The following OXR1 variants were observed in gnomAD, a reference collection of about 807,000 sequenced individuals.
OXR1 encodes oxidation resistance protein 1.
A neutral mutation model predicts 104.6 loss-of-function variants in OXR1; 41 were observed. The ratio of observed to expected loss-of-function variants is 0.39; its 90% CI spans 0.31 to 0.51. OXR1 has a LOEUF of 0.51. Ranked by LOEUF, OXR1 falls within the 20% of genes least tolerant of loss-of-function variation. OXR1 has a pLI of 0.77. For synonymous variants in OXR1, 348 were observed against 348.4 expected (o/e 1.00, Z 0.01); for missense variants, 955 against 1,031.9 (o/e 0.93, Z 1.02).
intron 2 of OXR1, among the ~76,000 whole-genome samples, chr8:106,399,403 A>G (rs1586604706): frequency 6.6e-6 from 1 of 152,204 alleles, no homozygotes; most frequent in East Asian, 1.9e-4. Context: ...CAATCAAAAT[A>G]GAAATGAGTT....
At chr8:106,306,046 T>G (rs991244023) in intron 1 of OXR1, among the ~76,000 whole-genome samples, 1 of 151,126 alleles carries the variant, frequency 6.6e-6, no homozygotes, top group Non-Finnish European at 1.5e-5. Flanking sequence ...CCTTCAGAGC[T>G]CTTTTTTTTT....
At chr8:106,340,438 A>G (rs1815194866) in intron 1 of OXR1, among the ~76,000 whole-genome samples, 1 of 152,160 alleles carries the variant, frequency 6.6e-6, no homozygotes, top group Non-Finnish European at 1.5e-5. Flanking sequence ...GAAAGTTTAA[A>G]TTGTCCCCTT....
intron 2 of OXR1, among the ~76,000 whole-genome samples, chr8:106,447,141 C>G (rs1164575226): frequency 6.6e-6 from 1 of 152,148 alleles, no homozygotes; most frequent in African/African-American, 2.4e-5. Flanking sequence ...ATACATATCT[C>G]TTATTTCTAA....
chr8:106,396,609 C>A (rs1817793377), intron 2 of OXR1, among the ~76,000 whole-genome samples: 1 of 152,008 alleles, frequency 6.6e-6, no homozygotes, highest in South Asian at 2.1e-4. Flanking sequence ...AGTATGGTTC[C>A]CTGGAATGGA....
chr8:106,643,213 A>G (rs1193453005), intron 3 of OXR1, among the ~76,000 whole-genome samples: 1 of 152,168 alleles, frequency 6.6e-6, no homozygotes, highest in Non-Finnish European at 1.5e-5. Flanking sequence ...GGGAGCAAAT[A>G]TTTTAGGCTT....
chr8:106,660,231 C>T (rs1157187922), intron 3 of OXR1, among the ~76,000 whole-genome samples: 1 of 151,822 alleles, frequency 6.6e-6, no homozygotes, highest in Non-Finnish European at 1.5e-5. Flanking sequence ...AATGATTCTT[C>T]ATATGTTTCC....
chr8:106,671,139 C>A (rs1826932129), intron 3 of OXR1, among the ~76,000 whole-genome samples: 2 of 144,654 alleles, frequency 1.4e-5, no homozygotes, highest in Admixed American at 1.4e-4. Flanking sequence ...CTAGTGGAAA[C>A]CACACCAAAG....
At chr8:106,385,507 T>G (rs1186288216) in intron 2 of OXR1, among the ~76,000 whole-genome samples, 1 of 152,204 alleles carries the variant, frequency 6.6e-6, no homozygotes, top group Non-Finnish European at 1.5e-5. Flanking sequence ...AACTAACATG[T>G]GTTGAACACT....
At chr8:106,360,339 A>G (rs535806282) in intron 2 of OXR1, among the ~76,000 whole-genome samples, 1 of 152,312 alleles carries the variant, frequency 6.6e-6, no homozygotes, top group South Asian at 2.1e-4. Flanking sequence ...ATATAAATTT[A>G]CAGTATTCAA....
intron 16 of OXR1, among the ~76,000 whole-genome samples, chr8:106,747,668 A>C (rs1013587444): frequency 1.3e-5 from 2 of 152,238 alleles, no homozygotes; most frequent in Non-Finnish European, 2.9e-5. Context: ...TTTGGATATC[A>C]CATACCTTTT....
At position 106,370,758 on chromosome 8, in the gene OXR1, T is replaced by C. The variant is rs1189242752; in HGVS notation, c.23+11122T>C. Among the ~76,000 whole-genome samples the C allele has an allele frequency of 2.6e-5, 4 of 152,346 alleles. No individual in the cohort carries two copies. In the East Asian group the frequency reaches 7.7e-4, roughly 29 times the overall value. On this transcript the variant is annotated intron_variant, in intron 2 of 16. Transcript: ENST00000517566. ...CCAAGGGATGAACCCAACTTGATCA[T>C]TGTGGATAAGTTTTTCCATGTGCTG...
chr8:106,423,786 C>T (rs1818997922), intron 2 of OXR1, among the ~76,000 whole-genome samples: 1 of 152,202 alleles, frequency 6.6e-6, no homozygotes, highest in African/African-American at 2.4e-5. Context: ...AGTAATGAAT[C>T]TTATCCTCCT....
chr8:106,418,718 C>T (rs574319279), intron 2 of OXR1, among the ~76,000 whole-genome samples: 14 of 152,204 alleles, frequency 9.2e-5, no homozygotes, highest in African/African-American at 3.4e-4. Context: ...ATAGCAGCTA[C>T]TTAGATGGGT....
chr8:106,733,424 T>G (rs1373787629), intron 11 of OXR1, among the ~76,000 whole-genome samples: 1 of 152,230 alleles, frequency 6.6e-6, no homozygotes, highest in Non-Finnish European at 1.5e-5. Context: ...CAAAATTGGC[T>G]TCTGGTTCCA....
chr8:106,416,620 G>A (rs1056219382), intron 2 of OXR1, among the ~76,000 whole-genome samples: 2 of 151,922 alleles, frequency 1.3e-5, no homozygotes, highest in Non-Finnish European at 2.9e-5. Flanking sequence ...GAATACCATA[G>A]TGCACAGCAA....
chr8:106,580,004 T>C (rs895921002), intron 3 of OXR1, among the ~76,000 whole-genome samples: 5 of 152,258 alleles, frequency 3.3e-5, no homozygotes, highest in African/African-American at 1.2e-4. Context: ...AGCATACTGA[T>C]GGCCAGCATT....
chr8:106,598,398 A>G (rs1819689052), intron 3 of OXR1, among the ~76,000 whole-genome samples: 1 of 152,154 alleles, frequency 6.6e-6, no homozygotes, highest in Non-Finnish European at 1.5e-5. Context: ...TACAGGAGGA[A>G]AGGTAACTCC....
intron 3 of OXR1, among the ~76,000 whole-genome samples, chr8:106,580,258 C>T (rs1179434171): frequency 6.6e-6 from 1 of 152,152 alleles, no homozygotes; most frequent in Non-Finnish European, 1.5e-5. Flanking sequence ...TCCTTTTCCC[C>T]TCCCTCAATT....
chr8:106,623,855 CT>C (rs1821928928), intron 3 of OXR1, among the ~76,000 whole-genome samples: 1 of 152,228 alleles, frequency 6.6e-6, no homozygotes, highest in African/African-American at 2.4e-5. Context: ...GGTATCATTA[CT>C]TATCCAAATG....
Sources: gnomAD v4.1 joint callset for allele counts (sites outside exome capture counted in the v4.1 genomes callset) on GRCh38, gnomAD v4.1.1 for gene constraint, MANE v1.5 for transcripts, NCBI Gene and HGNC (gene_info 2026-07-23, HGNC 2026-07-21) for gene names.